Variants in HNF1B observed in about 807,000 individuals in gnomAD.
HNF1B encodes the protein hepatocyte nuclear factor 1-beta.
A neutral mutation model predicts 61.7 loss-of-function variants in HNF1B; 8 were observed. The observed-to-expected ratio is 0.13, with a 90% CI of 0.08 to 0.23. The LOEUF (loss-of-function observed/expected upper bound fraction) is 0.23, where lower values mean the gene tolerates loss of function less well. Ranked by LOEUF, HNF1B falls within the 10% of genes least tolerant of loss-of-function variation. HNF1B has a pLI of 1.00. For missense variants in HNF1B, 562 were observed against 714.5 expected, an observed-to-expected ratio of 0.79 and a Z score of 2.43; for synonymous variants, 314 against 287.7, an observed-to-expected ratio of 1.09 and a Z score of -0.93.
intron 4 of HNF1B, among the ~76,000 whole-genome samples, chr17:37,719,948 T>C (rs191420529): frequency 1.6e-4 from 25 of 152,334 alleles, no homozygotes; most frequent in African/African-American, 6.0e-4. Context: ...TCTTCATCAC[T>C]GTCACAGAGG....
intron 4 of HNF1B, among the ~76,000 whole-genome samples, chr17:37,724,903 C>CGTGTGTGTGT (rs34210303): frequency 6.9e-6 from 1 of 145,316 alleles, no homozygotes; most frequent in African/African-American, 2.6e-5. Flanking sequence ...TATATGTATG[C>CGTGTGTGTGT]GTGTGTGTGT....
Position 37,701,082 on chromosome 17 carries a change from G to C in HNF1B, c.1435C>G (p.His479Asp), listed in dbSNP as rs1461310356. The change falls in exon 7 of 9, where the codon CAC becomes GAC. Residue 479 changes from histidine to aspartate, a missense_variant. Physicochemically the swap from His to Asp is moderately conservative, Grantham distance 81. Around this residue, in one of 6 missense-constraint regions of HNF1B, gnomAD observed 211 missense variants for 200.7 expected, o/e 1.05. Transcript: ENST00000617811. ...LQPVQFSQQL[H>D]SPHQQPLMQQ... ...ATGAGGGGCTGCTGGTGAGGGCTGT[G>C]CAGCTGCTGGGAGAACTGGACGGGC... The C allele has an allele frequency of 3.9e-6, 6 of 1,553,760 alleles. No individual in the cohort carries two copies.
intron 8 of HNF1B, among the ~76,000 whole-genome samples, chr17:37,691,677 C>T (rs761681361): frequency 6.6e-6 from 1 of 152,098 alleles, no homozygotes; most frequent in Non-Finnish European, 1.5e-5. Flanking sequence ...CTTCATTTTA[C>T]AGGTGAGCAA....
chr17:37,731,361 G>C (rs1374370384), intron 4 of HNF1B: 6 of 651,158 alleles, frequency 9.2e-6, no homozygotes, highest in Admixed American at 6.6e-5. Flanking sequence ...ATAGGGTAAA[G>C]GGCTCCCTGG....
Position 37,699,102 on chromosome 17 carries a change from G to A in HNF1B, c.1627C>T (p.Leu543Phe), listed in dbSNP as rs747580305. The A allele has an allele frequency of 1.2e-6, 2 of 1,613,704 alleles. No homozygotes were observed. The highest frequency in any genetic ancestry group is 2.7e-5 in the African/African-American group (2 of 74,900). ...VVTDTSSIST[L>F]TNMSSSKQCP... ...TGTTTACTTGAAGACATGTTGGTGA[G>A]TGTACTGATGCTGCTGGTATCTGTG... The change falls in exon 8 of 9, where the codon CTC becomes TTC. Residue 543 changes from leucine (L) to phenylalanine (F), a missense_variant. Physicochemically the swap from Leu to Phe is conservative, Grantham distance 22. Coordinates refer to ENST00000617811, the MANE Select transcript of HNF1B (RefSeq NM_000458.4).
At chr17:37,688,678 C>G (rs1234580231) in intron 8 of HNF1B, among the ~76,000 whole-genome samples, 1 of 152,158 alleles carries the variant, frequency 6.6e-6, no homozygotes, top group Non-Finnish European at 1.5e-5. Flanking sequence ...AAGCTTTGTG[C>G]TCTTGGACAA....
intron 2 of HNF1B, 118 bp downstream of exon 2, chr17:37,739,322 C>A: frequency 2.1e-6 from 2 of 943,816 alleles, no homozygotes; most frequent in East Asian, 2.4e-5. Context: ...TGCCACCTTC[C>A]TCATATCTGC....
chr17:37,689,271 T>C (rs983519174), intron 8 of HNF1B, among the ~76,000 whole-genome samples: 2 of 152,020 alleles, frequency 1.3e-5, no homozygotes, highest in African/African-American at 4.8e-5. Context: ...TTGCCTCCTC[T>C]TCCTCCCCTG....
At chr17:37,728,345 C>G (rs1243021294) in intron 4 of HNF1B, among the ~76,000 whole-genome samples, 1 of 148,966 alleles carries the variant, frequency 6.7e-6, no homozygotes, top group Non-Finnish European at 1.5e-5. Flanking sequence ...CTCGCTCTGT[C>G]ACCCAGGCTA....
At chr17:37,699,217 G>C (rs142379661) in intron 7 of HNF1B, 23 bp from the exon 8 acceptor site, 1 of 1,574,342 alleles carries the variant, frequency 6.4e-7, no homozygotes, top group Non-Finnish European at 8.7e-7. Context: ...AGTGAAGACA[G>C]AATCAAGGTG....
At chr17:37,695,165 A>G (rs1447077075) in intron 8 of HNF1B, among the ~76,000 whole-genome samples, 1 of 152,238 alleles carries the variant, frequency 6.6e-6, no homozygotes, top group Non-Finnish European at 1.5e-5. Flanking sequence ...GCTGCCCTGC[A>G]CAGCCTTGGG....
At chr17:37,713,711 C>T (rs1490200669) in intron 4 of HNF1B, among the ~76,000 whole-genome samples, 1 of 152,186 alleles carries the variant, frequency 6.6e-6, no homozygotes, top group Non-Finnish European at 1.5e-5. Flanking sequence ...GGACGGCCCA[C>T]TGTGGGGAGG....
intron 4 of HNF1B, among the ~76,000 whole-genome samples, chr17:37,728,022 G>A (rs2147529969): frequency 6.6e-6 from 1 of 151,896 alleles, no homozygotes; most frequent in East Asian, 1.9e-4. Context: ...ACAGAGTCTT[G>A]CTCTGTTGCT....
chr17:37,707,860 C>G (rs7213333), intron 5 of HNF1B, among the ~76,000 whole-genome samples: 5 of 151,564 alleles, frequency 3.3e-5, no homozygotes, highest in African/African-American at 7.3e-5. Context: ...GGCATGGGGG[C>G]GGGTAGGGGC....
At chr17:37,725,001 C>T (rs1291548437) in intron 4 of HNF1B, among the ~76,000 whole-genome samples, 2 of 151,386 alleles carry the variant, frequency 1.3e-5, no homozygotes, top group Non-Finnish European at 2.9e-5. Context: ...TGTGTTTATA[C>T]TTCCCCCTAA....
chr17:37,725,283 C>T (rs1050757124), intron 4 of HNF1B, among the ~76,000 whole-genome samples: 5 of 152,154 alleles, frequency 3.3e-5, no homozygotes, highest in African/African-American at 9.7e-5. Context: ...ATCCTTCAGG[C>T]GGATTAGGCA....
intron 8 of HNF1B, among the ~76,000 whole-genome samples, chr17:37,694,451 C>CCCCCCCCCCCCCA: frequency 1.3e-5 from 1 of 79,732 alleles, no homozygotes; most frequent in African/African-American, 3.9e-5. Context: ...CCCCCCCCCC[C>CCCCCCCCCCCCCA]CCGCAAAAAA....
intron 8 of HNF1B, 71 bp downstream of exon 8, chr17:37,699,005 A>C (rs1018161530): frequency 2.7e-6 from 3 of 1,114,312 alleles, no homozygotes; most frequent in Non-Finnish European, 2.8e-6. Flanking sequence ...TGCTTGCCAC[A>C]ACCTCTGCAC....
chr17:37,708,180 C>T (rs2032814363), intron 5 of HNF1B, among the ~76,000 whole-genome samples: 1 of 152,188 alleles, frequency 6.6e-6, no homozygotes, highest in East Asian at 1.9e-4. Flanking sequence ...TAACCATACT[C>T]CACTCTTGCC....
Sources: gnomAD v4.1 joint callset for allele counts (sites outside exome capture counted in the v4.1 genomes callset) on GRCh38, gnomAD v4.1.1 for gene constraint, gnomAD v4.1.1 regional missense constraint, MANE v1.5 for transcripts, NCBI Gene and HGNC (gene_info 2026-07-23, HGNC 2026-07-21) for gene names.